The following CMTM8 variants were observed in gnomAD, a reference collection of about 807,000 sequenced individuals.
CMTM8 encodes CKLF like MARVEL transmembrane domain containing 8.
CMTM8 carries 12 observed loss-of-function variants against 18.6 expected under a neutral mutation model. The ratio of observed to expected loss-of-function variants is 0.65; its 90% CI spans 0.41 to 1.05. The LOEUF is 1.05. Among genes scored for constraint, CMTM8 ranks in the 50% least tolerant of loss-of-function variants. The pLI is 0.00. For synonymous variants in CMTM8, 87 were observed against 90.6 expected (o/e 0.96, Z 0.23); for missense variants, 217 against 227.2 (o/e 0.95, Z 0.29).
intron 1 of CMTM8, among the ~76,000 whole-genome samples, chr3:32,240,997 AG>A (rs1311803039): frequency 6.6e-6 from 1 of 152,100 alleles, no homozygotes; most frequent in Non-Finnish European, 1.5e-5. Context: ...TGTGTTGCCC[AG>A]GCTGCTCTGA....
intron 1 of CMTM8, among the ~76,000 whole-genome samples, chr3:32,314,656 T>G (rs1021020511): frequency 3.3e-5 from 5 of 151,990 alleles, no homozygotes; most frequent in Non-Finnish European, 7.4e-5. Context: ...ATTTTTGTGT[T>G]TTTGGTAAGA....
At chr3:32,260,284 AGGTCATT>A in intron 1 of CMTM8, 7 of 868,358 alleles carry the variant, frequency 8.1e-6, no homozygotes, top group Admixed American at 6.2e-5. Flanking sequence ...AAAAGTTCAG[AGGTCATT>A]GGAAAAAAAA....
At chr3:32,322,516 T>G (rs758733500) in intron 1 of CMTM8, among the ~76,000 whole-genome samples, 2 of 152,210 alleles carry the variant, frequency 1.3e-5, no homozygotes, top group Non-Finnish European at 2.9e-5. Context: ...CTGCTTCTCA[T>G]GCTGCCCTGG....
chr3:32,269,096 G>A (rs1410138911), intron 1 of CMTM8, among the ~76,000 whole-genome samples: 1 of 152,278 alleles, frequency 6.6e-6, no homozygotes, highest in East Asian at 1.9e-4. Context: ...AGGCTTGAAG[G>A]GATATTCTCA....
At chr3:32,336,280 C>G (rs893264785) in intron 1 of CMTM8, among the ~76,000 whole-genome samples, 1 of 152,198 alleles carries the variant, frequency 6.6e-6, no homozygotes, top group African/African-American at 2.4e-5. Flanking sequence ...CAAGTAAAGC[C>G]GGTTCTCAGG....
intron 1 of CMTM8, among the ~76,000 whole-genome samples, chr3:32,321,787 C>T (rs1696059894): frequency 6.6e-6 from 1 of 152,060 alleles, no homozygotes; most frequent in South Asian, 2.1e-4. Flanking sequence ...TTTGTAGAGA[C>T]AGAGTCTCAC....
intron 1 of CMTM8, among the ~76,000 whole-genome samples, chr3:32,241,317 A>G (rs1352083238): frequency 2.6e-5 from 4 of 152,090 alleles, no homozygotes; most frequent in Admixed American, 6.5e-5. Context: ...CTGTCTCCCA[A>G]TATAGGTCCA....
At chr3:32,336,376 C>G (rs1696387168) in intron 1 of CMTM8, among the ~76,000 whole-genome samples, 2 of 152,216 alleles carry the variant, frequency 1.3e-5, no homozygotes, top group African/African-American at 4.8e-5. Flanking sequence ...ATCTTGACCT[C>G]AAACTGGGCT....
intron 1 of CMTM8, among the ~76,000 whole-genome samples, chr3:32,332,750 C>A (rs1696305454): frequency 6.6e-6 from 1 of 152,152 alleles, no homozygotes; most frequent in Non-Finnish European, 1.5e-5. Context: ...GTGAGACAGC[C>A]TTGGTCAGTG....
chr3:32,324,920 A>G (rs1300343535), intron 1 of CMTM8, among the ~76,000 whole-genome samples: 4 of 152,224 alleles, frequency 2.6e-5, no homozygotes, highest in Non-Finnish European at 5.9e-5. Context: ...GGAAGAGCAG[A>G]GTTATGTTAA....
chr3:32,339,735 G>T (rs889882389), intron 1 of CMTM8, among the ~76,000 whole-genome samples: 1 of 152,064 alleles, frequency 6.6e-6, no homozygotes, highest in African/African-American at 2.4e-5. Flanking sequence ...AGGCCGAGGC[G>T]GGCGGATCAT....
At chr3:32,307,599 G>A (rs1485632048) in intron 1 of CMTM8, among the ~76,000 whole-genome samples, 3 of 152,196 alleles carry the variant, frequency 2.0e-5, no homozygotes, top group Admixed American at 2.0e-4. Flanking sequence ...GTGTAGGTAT[G>A]TAGCTTGAAG....
intron 1 of CMTM8, among the ~76,000 whole-genome samples, chr3:32,349,329 T>G (rs889011841): frequency 6.6e-6 from 1 of 151,978 alleles, no homozygotes; most frequent in Non-Finnish European, 1.5e-5. Context: ...GTCAGTATCT[T>G]TGTCTTTTTT....
intron 1 of CMTM8, among the ~76,000 whole-genome samples, chr3:32,356,174 G>A (rs1452017710): frequency 6.6e-6 from 1 of 152,198 alleles, no homozygotes; most frequent in Non-Finnish European, 1.5e-5. Flanking sequence ...TGTCTTCCGA[G>A]CCTCTTGATT....
At chr3:32,250,845 G>A (rs1360424342) in intron 1 of CMTM8, among the ~76,000 whole-genome samples, 1 of 151,608 alleles carries the variant, frequency 6.6e-6, no homozygotes, top group African/African-American at 2.4e-5. Context: ...CACCTGTCTC[G>A]GCCTCCCAAA....
At chr3:32,342,637 T>C (rs188088571) in intron 1 of CMTM8, among the ~76,000 whole-genome samples, 3 of 152,274 alleles carry the variant, frequency 2.0e-5, no homozygotes, top group East Asian at 3.9e-4. Flanking sequence ...TTATTACTCA[T>C]GAGAGAGCTC....
chr3:32,313,842 C>G (rs1014404551), intron 1 of CMTM8, among the ~76,000 whole-genome samples: 1 of 152,102 alleles, frequency 6.6e-6, no homozygotes, highest in Admixed American at 6.5e-5. Flanking sequence ...GTCACACGAC[C>G]AGGAAAGATT....
chr3:32,298,895 A>T (rs1449779989), intron 1 of CMTM8, among the ~76,000 whole-genome samples: 1 of 144,638 alleles, frequency 6.9e-6, no homozygotes, highest in African/African-American at 2.5e-5. Flanking sequence ...ATATATACAC[A>T]CATACACACA....
At chr3:32,366,117 A>G (rs995598875) in intron 2 of CMTM8, among the ~76,000 whole-genome samples, 1 of 152,184 alleles carries the variant, frequency 6.6e-6, no homozygotes, top group Admixed American at 6.5e-5. Flanking sequence ...GGGAAGTCAC[A>G]AAGTTAGGCA....
Sources: allele counts gnomAD v4.1 joint callset (sites outside exome capture counted in the v4.1 genomes callset), GRCh38; gene constraint gnomAD v4.1.1; transcripts MANE v1.5; gene names NCBI Gene and HGNC (gene_info 2026-07-23, HGNC 2026-07-21).